The following RCAN2 variants were observed in gnomAD, a reference collection of about 807,000 sequenced individuals.
RCAN2 encodes the protein regulator of calcineurin 2.
RCAN2 carries 9 observed loss-of-function variants against 23.6 expected under a neutral mutation model. The observed-to-expected ratio is 0.38, with a 90% CI of 0.23 to 0.67. The LOEUF (loss-of-function observed/expected upper bound fraction) is 0.67, where lower values mean the gene tolerates loss of function less well. Ranked by LOEUF, RCAN2 falls within the 30% of genes least tolerant of loss-of-function variation. The probability of loss-of-function intolerance (pLI) is 0.51; values close to 1 mark genes in which losing one functional copy is unlikely to be tolerated. For synonymous variants in RCAN2, 109 were observed against 115.7 expected, an observed-to-expected ratio of 0.94 and a Z score of 0.37; for missense variants, 273 against 302.3, an observed-to-expected ratio of 0.90 and a Z score of 0.72.
At chr6:46,491,687 G>C (rs1172880401), upstream of RCAN2, among the ~76,000 whole-genome samples, 2 of 152,046 alleles carry the variant, frequency 1.3e-5, no homozygotes, top group Non-Finnish European at 2.9e-5. Context: ...AGGTGCCCGG[G>C]AGGGCGCAGG....
intron 2 of RCAN2, among the ~76,000 whole-genome samples, chr6:46,453,943 T>G (rs887446464): frequency 2.6e-5 from 4 of 152,240 alleles, no homozygotes; most frequent in African/African-American, 9.6e-5. Flanking sequence ...AAATGAAGGC[T>G]AAGCATCATT....
chr6:46,373,210 T>C (rs1274081882), intron 2 of RCAN2, among the ~76,000 whole-genome samples: 1 of 152,146 alleles, frequency 6.6e-6, no homozygotes, highest in African/African-American at 2.4e-5. Context: ...AGCTACGGGG[T>C]CAAGAAACAT....
intron 2 of RCAN2, among the ~76,000 whole-genome samples, chr6:46,405,331 AGGGTGG>A (rs1258691749): frequency 6.6e-6 from 1 of 152,174 alleles, no homozygotes; most frequent in Non-Finnish European, 1.5e-5. Flanking sequence ...AAGCTTCCAC[AGGGTGG>A]AAGGGGACCC....
At chr6:46,260,129 A>G (rs1767061971) in intron 2 of RCAN2, among the ~76,000 whole-genome samples, 2 of 152,194 alleles carry the variant, frequency 1.3e-5, no homozygotes, top group South Asian at 4.1e-4. Flanking sequence ...GTCAGACAGT[A>G]GGCTGAAAAG....
chr6:46,367,273 C>T (rs1283500608), intron 2 of RCAN2, among the ~76,000 whole-genome samples: 1 of 151,568 alleles, frequency 6.6e-6, no homozygotes, highest in Non-Finnish European at 1.5e-5. Context: ...TCTTCACAAG[C>T]CGTTGATAAT....
chr6:46,285,205 CA>C (rs967759706), intron 2 of RCAN2, among the ~76,000 whole-genome samples: 2 of 152,204 alleles, frequency 1.3e-5, no homozygotes, highest in Non-Finnish European at 2.9e-5. Flanking sequence ...ATGTAATGTT[CA>C]CCACCATTGC....
intron 2 of RCAN2, among the ~76,000 whole-genome samples, chr6:46,419,365 GA>G (rs1766804745): frequency 6.6e-6 from 1 of 152,148 alleles, no homozygotes; most frequent in Non-Finnish European, 1.5e-5. Context: ...CACCGGTTTA[GA>G]AGGCCTAGTA....
intron 2 of RCAN2, among the ~76,000 whole-genome samples, chr6:46,453,234 GTT>G (rs140697964): frequency 0.06 from 9,145 of 152,254 alleles, 414 homozygotes; most frequent in African/African-American, 0.12. Flanking sequence ...GAAGATCACA[GTT>G]TTAAATGTGT....
Position 46,456,141 on chromosome 6 carries a change from T to C in RCAN2, c.225+611A>G, listed in dbSNP as rs547859441. The stretch of plus-strand genomic sequence containing the variant: ...AAAATGGGAAGCTGGAAAATGTTAA[T>C]ACATAGACAACCTCATTCCCCTATC... On this transcript the variant is annotated intron_variant, in intron 2 of 4. Coordinates refer to ENST00000371374, the MANE Select transcript of RCAN2 (RefSeq NM_001251974.2). Among the ~76,000 whole-genome samples the C allele has an allele frequency of 3.3e-4, 51 of 152,338 alleles. No individual in the cohort carries two copies. The South Asian group carries it at 9.7e-3, about 29-fold the overall frequency.
At chr6:46,231,898 C>T (rs1334311060) in intron 4 of RCAN2, among the ~76,000 whole-genome samples, 2 of 152,188 alleles carry the variant, frequency 1.3e-5, no homozygotes, top group Non-Finnish European at 2.9e-5. Flanking sequence ...AGTGTTACAA[C>T]TCCAGCATTT....
chr6:46,222,964 T>C lies in RCAN2; in HGVS notation c.*177A>G. ...AATGGGTTATACTTAATGGGTATGA[T>C]ATGATCAGGAGACATATCACCTTTT... is the stretch of plus-strand genomic sequence containing the variant. On this transcript the variant is annotated 3_prime_UTR_variant, in exon 5 of 5. Transcript: ENST00000371374. The C allele has an allele frequency of 1.5e-6, 1 of 645,832 alleles. No homozygotes were observed. Among genetic ancestry groups the C allele is most frequent in the Non-Finnish European group, 2.7e-6 (1 of 366,254 alleles). 40.0% of individuals were successfully genotyped at this position (645,832 alleles called of 1,614,324 possible). A position where few individuals can be genotyped will look rare whatever the true frequency, so the allele number is the denominator to read the frequency against.
intron 2 of RCAN2, among the ~76,000 whole-genome samples, chr6:46,266,368 C>T (rs952547817): frequency 3.9e-5 from 6 of 152,120 alleles, no homozygotes; most frequent in Non-Finnish European, 8.8e-5. Flanking sequence ...TGATTATTAT[C>T]ATGTTATCTG....
chr6:46,328,673 C>T (rs529240511), intron 2 of RCAN2, among the ~76,000 whole-genome samples: 6 of 152,270 alleles, frequency 3.9e-5, no homozygotes, highest in Admixed American at 6.5e-5. Flanking sequence ...TGCAGTGGCA[C>T]GATCTCAGCT....
intron 2 of RCAN2, among the ~76,000 whole-genome samples, chr6:46,382,147 G>C (rs958095277): frequency 6.6e-6 from 1 of 152,190 alleles, no homozygotes; most frequent in African/African-American, 2.4e-5. Context: ...ATTCCCTCTT[G>C]TCTTCCAAGA....
In RCAN2 at chr6:46,367,022, GATATAT is replaced by G. The variant is rs60245042; in HGVS notation, c.225+89724_225+89729del. ...ATTTTATTTTCAGTTATCTGGGATGGATATATATATATATATATATATATATATATA... is the reference window on the plus strand; with the variant it reads ...ATTTTATTTTCAGTTATCTGGGATGGATATATATATATATATATATATATA... On this transcript the variant is annotated intron_variant, in intron 2 of 4. Coordinates refer to ENST00000371374, the MANE Select transcript of RCAN2 (RefSeq NM_001251974.2). Among the ~76,000 whole-genome samples, 438 of 59,670 alleles carry G rather than the reference GATATAT, an allele frequency of 7.3e-3. 33 individuals are homozygous for G. Among genetic ancestry groups the G allele is most frequent in the African/African-American group, 0.019 (394 of 21,014 alleles). The allele number at this position is 59,670 out of a possible 152,430, so 39.1% of individuals were successfully genotyped here.
chr6:46,415,740 T>C (rs1271186821), intron 2 of RCAN2, among the ~76,000 whole-genome samples: 1 of 152,164 alleles, frequency 6.6e-6, no homozygotes, highest in Non-Finnish European at 1.5e-5. Flanking sequence ...TGCCCAGTCA[T>C]AGAAGTTCAA....
At chr6:46,226,840 G>C (rs1765685475) in intron 4 of RCAN2, among the ~76,000 whole-genome samples, 1 of 152,190 alleles carries the variant, frequency 6.6e-6, no homozygotes, top group Non-Finnish European at 1.5e-5. Context: ...GGAGTGGTGA[G>C]AGAGGGCATC....
intron 2 of RCAN2, among the ~76,000 whole-genome samples, chr6:46,327,198 T>C (rs548982933): frequency 2.6e-5 from 4 of 152,244 alleles, no homozygotes; most frequent in Admixed American, 2.0e-4. Flanking sequence ...GGGATGGTGA[T>C]GGCTGAATAG....
intron 2 of RCAN2, chr6:46,438,276 C>T (rs1767429159): frequency 6.6e-6 from 1 of 152,266 alleles, no homozygotes; most frequent in African/African-American, 2.4e-5. Flanking sequence ...TCTCTCAGAG[C>T]TTCTGTGACA....
Sources: gnomAD v4.1 joint callset for allele counts (sites outside exome capture counted in the v4.1 genomes callset) on GRCh38, gnomAD v4.1.1 for gene constraint, MANE v1.5 for transcripts, NCBI Gene and HGNC (gene_info 2026-07-23, HGNC 2026-07-21) for gene names.